The following ADAMTS13 variants were observed in gnomAD, a reference collection of about 807,000 sequenced individuals.
ADAMTS13 encodes the protein ADAM metallopeptidase with thrombospondin type 1 motif 13, also known as A disintegrin and metalloproteinase with thrombospondin motifs 13.
ADAMTS13 carries 110 observed loss-of-function variants against 155.1 expected under a neutral mutation model. That is an observed-to-expected ratio of 0.71 (90% CI 0.61 to 0.83). The LOEUF (loss-of-function observed/expected upper bound fraction) is 0.83. Among genes scored for constraint, ADAMTS13 ranks in the 40% least tolerant of loss-of-function variants. The pLI is 0.00. For synonymous variants in ADAMTS13, 758 were observed against 756.4 expected (o/e 1.00, Z -0.03); for missense variants, 1,707 against 1,891.7 (o/e 0.90, Z 1.81).
At chr9:133,455,730 G>A (rs111251059) in intron 25 of ADAMTS13, 2 of 1,300,244 alleles carry the variant, frequency 1.5e-6, no homozygotes, top group Non-Finnish European at 2.2e-6. Flanking sequence ...CCGGGATCAG[G>A]GCTGGCCCTC....
Position 133,436,834 on chromosome 9 carries a change from C to G in ADAMTS13, c.1314C>G (p.Cys438Trp). 3.5e-6 allele frequency: 5 copies of G among 1,445,604 alleles called. No homozygotes were observed. Among genetic ancestry groups the G allele is most frequent in the Non-Finnish European group, 1.8e-6 (2 of 1,082,502 alleles). The allele number at this position is 1,445,604 out of a possible 1,614,324, so 89.5% of individuals were successfully genotyped here. A position where few individuals can be genotyped will look rare whatever the true frequency, so the allele number is the denominator to read the frequency against. ...CTCTGCCTCCTCCTGGCCAGGCCTG[C>G]GAGAAGACCCAGCTGGAGTTCATGT... ...LQAEMCNTQACEKTQLEFMSQ... is the reference protein window; with the variant it reads ...LQAEMCNTQAWEKTQLEFMSQ... Residue 438 changes from cysteine (C) to tryptophan (W), a missense_variant, in exon 12 of 29, where the codon TGC becomes TGG. Physicochemically the swap from Cys to Trp is radical, Grantham distance 215. This residue lies in a region of ADAMTS13 where 733 missense variants were observed against 749.6 expected (regional missense o/e 0.98). Coordinates refer to ENST00000355699, the MANE Select transcript of ADAMTS13 (RefSeq NM_139027.6).
intron 28 of ADAMTS13, among the ~76,000 whole-genome samples, chr9:133,458,704 A>C (rs3094373): frequency 2.6e-5 from 4 of 152,120 alleles, no homozygotes; most frequent in African/African-American, 4.8e-5. Context: ...CGAGGTTTCA[A>C]GTGTCCTGGG....
intron 23 of ADAMTS13, 84 bp from the exon 24 acceptor site, chr9:133,454,331 A>T (rs1842613454): frequency 6.7e-7 from 1 of 1,501,132 alleles, no homozygotes; most frequent in Non-Finnish European, 9.2e-7. Flanking sequence ...CTGTCCGAGT[A>T]CACGTGGGTG....
chr9:133,430,994 C>T (rs1050676478), intron 8 of ADAMTS13, among the ~76,000 whole-genome samples: 1 of 152,036 alleles, frequency 6.6e-6, no homozygotes, highest in African/African-American at 2.4e-5. Context: ...GAGACAGGGC[C>T]TCGTTCTGTT....
chr9:133,423,247 T>C, intron 2 of ADAMTS13, 80 bp downstream of exon 2: 1 of 1,348,634 alleles, frequency 7.4e-7, no homozygotes, highest in Non-Finnish European at 1.1e-6. Context: ...GTCAGTGGTC[T>C]GGGATTTTTG....
At chr9:133,430,453 A>G (rs905995809) in intron 8 of ADAMTS13, among the ~76,000 whole-genome samples, 2 of 152,118 alleles carry the variant, frequency 1.3e-5, no homozygotes, top group African/African-American at 4.8e-5. Flanking sequence ...TCCTGGAGGA[A>G]GTGGCCTCTA....
At chr9:133,442,271 A>G in intron 16 of ADAMTS13, 128 bp from the exon 17 acceptor site, 1 of 1,448,396 alleles carries the variant, frequency 6.9e-7, no homozygotes, top group Non-Finnish European at 9.7e-7. Flanking sequence ...GTGCCTGGCC[A>G]GTGATTGCTT....
intron 24 of ADAMTS13, 29 bp downstream of exon 24, chr9:133,454,648 A>G (rs369556298): frequency 1.7e-4 from 269 of 1,569,112 alleles, no homozygotes; most frequent in Admixed American, 2.4e-4. Context: ...CGGAATCCCT[A>G]TGGGGCTGGG....
chr9:133,446,512 CCTT>C (rs1409266755), intron 21 of ADAMTS13, among the ~76,000 whole-genome samples: 1 of 152,202 alleles, frequency 6.6e-6, no homozygotes, highest in Non-Finnish European at 1.5e-5. Flanking sequence ...GTGAGTGTTT[CCTT>C]CTTAAGGCTG....
rs376017677 is a variant in ADAMTS13, at chr9:133,454,537, C to A, written c.3167C>A (p.Ala1056Glu). The change falls in exon 24 of 29, where the codon GCG becomes GAG. Residue 1056 changes from alanine (A) to glutamate (E), a missense_variant. Ala to Glu is a moderately radical substitution (Grantham distance 107). Around this residue, in one of 3 missense-constraint regions of ADAMTS13, gnomAD observed 961 missense variants for 1,107.9 expected, o/e 0.87. Coordinates refer to ENST00000355699, the MANE Select transcript of ADAMTS13 (RefSeq NM_139027.6). ...QDVEVDEAACAALVRPEASVP... is the reference protein window; with the variant it reads ...QDVEVDEAACEALVRPEASVP... ...GTGGAGGTGGACGAGGCGGCCTGTG[C>A]GGCGCTGGTGCGGCCCGAGGCCAGT... 1.2e-6 allele frequency: 2 copies of A among 1,609,834 alleles called. No individual in the cohort carries two copies. The highest frequency in any genetic ancestry group is 1.7e-6 in the Non-Finnish European group (2 of 1,179,958).
At chr9:133,443,607 A>T in intron 19 of ADAMTS13, 46 bp downstream of exon 19, 1 of 1,500,636 alleles carries the variant, frequency 6.7e-7, no homozygotes. Flanking sequence ...TTCCTGGCAG[A>T]GCTCGTCCCT....
intron 18 of ADAMTS13, 119 bp from the exon 19 acceptor site, chr9:133,443,257 C>T (rs1274817609): frequency 7.8e-7 from 1 of 1,281,964 alleles, no homozygotes; most frequent in Non-Finnish European, 1.1e-6. Context: ...AGAGGCTAGG[C>T]TGGCCGTAGT....
Position 133,445,920 on chromosome 9 carries a change from G to C in ADAMTS13, c.2731+101G>C. 1 of 1,463,072 alleles carries C rather than the reference G, an allele frequency of 6.8e-7. No homozygotes were observed. 90.6% of individuals were successfully genotyped at this position (1,463,072 alleles called of 1,614,324 possible). A position where few individuals can be genotyped will look rare whatever the true frequency, so the allele number is the denominator to read the frequency against. ...TGAAAAGCATTTGAGGTGGATTGCA[G>C]AAAATCCAGACTATATGGGAACACG... On this transcript the variant is annotated intron_variant, in intron 21 of 28. Transcript: ENST00000355699. This position sits in a 1 kb window ranked among gnomAD's most constrained non-coding sequence, Gnocchi z 5.0.
intron 24 of ADAMTS13, among the ~76,000 whole-genome samples, 165 bp from the exon 25 acceptor site, chr9:133,455,120 G>A (rs368413593): frequency 6.6e-6 from 1 of 152,162 alleles, no homozygotes; most frequent in African/African-American, 2.4e-5. Context: ...ACCCATGCAA[G>A]GTGCCCTCTC....
rs1842618463 is a variant in ADAMTS13 at position 133,454,408 on chromosome 9, C to G, written c.3045-7C>G. Reference sequence around the variant, plus strand: ...TAGCCTCTCTCTGGGGTCTTCTCTTCCTGCAGGTGGAAAGTCATGTCCCTT... The same window carrying G: ...TAGCCTCTCTCTGGGGTCTTCTCTTGCTGCAGGTGGAAAGTCATGTCCCTT... On this transcript the variant is annotated splice_region_variant and splice_polypyrimidine_tract_variant and intron_variant, in intron 23 of 28. Transcript: ENST00000355699. The G allele has an allele frequency of 6.2e-7, 1 of 1,613,802 alleles. No individual in the cohort carries two copies. Among genetic ancestry groups the G allele is most frequent in the Non-Finnish European group, 8.5e-7 (1 of 1,180,008 alleles).
At chr9:133,421,409 A>G (rs145664073), upstream of ADAMTS13, among the ~76,000 whole-genome samples, 3 of 152,210 alleles carry the variant, frequency 2.0e-5, no homozygotes, top group Non-Finnish European at 4.4e-5. Context: ...CCTTCCCTCC[A>G]GTCCCCCATT....
intron 12 of ADAMTS13, 29 bp downstream of exon 12, chr9:133,436,984 G>T (rs782548408): frequency 1.9e-6 from 3 of 1,587,616 alleles, no homozygotes; most frequent in Admixed American, 1.8e-5. Context: ...GGGGTTGGGG[G>T]AGGAGCCAGC....
chr9:133,438,209 C>G, intron 13 of ADAMTS13, 37 bp from the exon 14 acceptor site: 1 of 1,614,034 alleles, frequency 6.2e-7, no homozygotes, highest in Non-Finnish European at 8.5e-7. Context: ...CCAGCACCCT[C>G]CAGTGACACG....
At position 133,430,236 on chromosome 9, in the gene ADAMTS13, G is replaced by C. The variant is rs587703137; in HGVS notation, c.987+135G>C. On this transcript the variant is annotated intron_variant, in intron 8 of 28. Transcript: ENST00000355699. ...TGAGGTACTAAGCCAGGGCGGCTTA[G>C]TTTAATGCTGTCTGTGCCCTCTAGA... is the stretch of plus-strand genomic sequence containing the variant. The C allele has an allele frequency of 3.4e-5, 38 of 1,118,674 alleles. 1 individual carries two copies. The South Asian group carries it at 4.6e-4, about 14-fold the overall frequency. The allele number at this position is 1,118,674 out of a possible 1,614,324, so 69.3% of individuals were successfully genotyped here.
Sources: gnomAD v4.1 joint callset for allele counts (sites outside exome capture counted in the v4.1 genomes callset) on GRCh38, gnomAD v4.1.1 for gene constraint, gnomAD v4.1.1 regional missense constraint, Gnocchi (gnomAD v3.1) non-coding constraint, MANE v1.5 for transcripts, NCBI Gene and HGNC (gene_info 2026-07-23, HGNC 2026-07-21) for gene names.